PRP4K: variants seen among roughly 807,000 people sequenced by gnomAD.
PRP4K encodes the protein serine/threonine-protein kinase PRP4 homolog.
the PRP4K span, chr6:4,061,537 C>T: frequency 3.3e-5 from 5 of 152,494 alleles, no homozygotes; most frequent in African/African-American, 1.2e-4. Context: ...GGCTAGACAA[C>T]GTAATGAAAT....
the PRP4K span, chr6:4,049,688 A>G: frequency 1.9e-6 from 3 of 1,553,924 alleles, no homozygotes; most frequent in Admixed American, 1.7e-5. Context: ...TTCTGATTCT[A>G]TTTATTATAG....
chr6:4,061,987 T>G, the PRP4K span: 1 of 152,632 alleles, frequency 6.6e-6, no homozygotes, highest in African/African-American at 2.4e-5. Context: ...CAACCTTTTG[T>G]TTTTTTCCTG....
the PRP4K span, chr6:4,049,154 C>G: frequency 6.9e-7 from 1 of 1,449,860 alleles, no homozygotes; most frequent in Non-Finnish European, 9.6e-7. Flanking sequence ...TAACACCATG[C>G]AAAAGCATGC....
chr6:4,039,939 T>C, the PRP4K span, among the ~76,000 whole-genome samples: 3 of 151,302 alleles, frequency 2.0e-5, no homozygotes, highest in Admixed American at 6.6e-5. Context: ...CTTGCTCTGT[T>C]ACCCAGGCTG....
the PRP4K span, among the ~76,000 whole-genome samples, chr6:4,033,398 C>T: frequency 2.6e-5 from 4 of 152,066 alleles, no homozygotes; most frequent in Non-Finnish European, 5.9e-5. Context: ...TATAAATCCT[C>T]ATGTGATTAT....
the PRP4K span, among the ~76,000 whole-genome samples, chr6:4,022,060 GT>G: frequency 6.7e-6 from 1 of 148,870 alleles, no homozygotes; most frequent in African/African-American, 2.5e-5. Flanking sequence ...ACCCAGTATT[GT>G]TTTGTTTTGT....
At chr6:4,053,689 A>G in the PRP4K span, among the ~76,000 whole-genome samples, 1 of 152,032 alleles carries the variant, frequency 6.6e-6, no homozygotes, top group Non-Finnish European at 1.5e-5. Flanking sequence ...TGTGGCCTTC[A>G]GTTTGGGTCG....
At chr6:4,028,390 A>G in the PRP4K span, among the ~76,000 whole-genome samples, 1 of 151,904 alleles carries the variant, frequency 6.6e-6, no homozygotes, top group Non-Finnish European at 1.5e-5. Context: ...ATTTTTTTGT[A>G]GAGATAGGAT....
At chr6:4,060,556 A>C in the PRP4K span, 2 of 1,613,860 alleles carry the variant, frequency 1.2e-6, no homozygotes, top group East Asian at 4.5e-5. The surrounding 1 kb of genome is among the most constrained non-coding windows in gnomAD (Gnocchi z 4.7). Flanking sequence ...TGTTGGACCC[A>C]GCTAAACGAA....
the PRP4K span, among the ~76,000 whole-genome samples, chr6:4,054,104 T>C: frequency 6.6e-6 from 1 of 152,048 alleles, no homozygotes; most frequent in African/African-American, 2.4e-5. Flanking sequence ...TTTTTAGAGA[T>C]GAGGTTTGGC....
At chr6:4,021,442 C>G in the PRP4K span, 30 of 1,585,736 alleles carry the variant, frequency 1.9e-5, no homozygotes, top group Non-Finnish European at 2.5e-5. Flanking sequence ...GCCGCGGAGA[C>G]CCAGTCGCTA....
chr6:4,032,204 A>G, the PRP4K span: 3 of 1,613,934 alleles, frequency 1.9e-6, no homozygotes, highest in African/African-American at 4.0e-5. Flanking sequence ...CATCCAAAAG[A>G]AGTAAGTCTC....
At chr6:4,043,205 G>C in the PRP4K span, among the ~76,000 whole-genome samples, 1 of 152,190 alleles carries the variant, frequency 6.6e-6, no homozygotes, top group Admixed American at 6.5e-5. Flanking sequence ...AGTGTGCCAC[G>C]TTGGAGTGAA....
the PRP4K span, among the ~76,000 whole-genome samples, chr6:4,022,463 T>G: frequency 9.3e-6 from 1 of 107,420 alleles, no homozygotes; most frequent in African/African-American, 4.2e-5. Flanking sequence ...GTTTTTTTTT[T>G]TTGTTTTGTT....
chr6:4,036,991 A>G, the PRP4K span, among the ~76,000 whole-genome samples: 1 of 14,366 alleles, frequency 7.0e-5, no homozygotes, highest in Non-Finnish European at 1.4e-4. Context: ...GTCTCAAAAA[A>G]AAAAAAAAAA....
chr6:4,055,629 G>A, the PRP4K span, among the ~76,000 whole-genome samples: 1 of 152,194 alleles, frequency 6.6e-6, no homozygotes, highest in African/African-American at 2.4e-5. Context: ...AGTGGCAGCA[G>A]TCATGGGAGC....
At chr6:4,060,687 G>A in the PRP4K span, 1 of 1,299,620 alleles carries the variant, frequency 7.7e-7, no homozygotes. This position sits in a 1 kb window ranked among gnomAD's most constrained non-coding sequence, Gnocchi z 4.7. Context: ...GTTTATTAAT[G>A]TATATAAACT....
chr6:4,047,864 A>T, the PRP4K span, among the ~76,000 whole-genome samples: 175 of 151,440 alleles, frequency 1.2e-3, no homozygotes, highest in African/African-American at 4.0e-3. Context: ...GTAACAGGGA[A>T]AATAAAAATG....
chr6:4,028,013 C>T, the PRP4K span, among the ~76,000 whole-genome samples: 1 of 152,022 alleles, frequency 6.6e-6, no homozygotes, highest in Non-Finnish European at 1.5e-5. Flanking sequence ...CAGACTTTTC[C>T]CCCTATAAGT....
Sources: allele counts gnomAD v4.1 joint callset (sites outside exome capture counted in the v4.1 genomes callset), GRCh38; gene constraint gnomAD v4.1.1; non-coding constraint Gnocchi (gnomAD v3.1); transcripts MANE v1.5; gene names NCBI Gene and HGNC (gene_info 2026-07-23, HGNC 2026-07-21).